Variants in OPN5 observed in about 807,000 individuals in gnomAD.
OPN5 encodes the protein opsin-5.
Under a neutral mutation model 41.7 loss-of-function variants are expected in OPN5, and 18 were observed. That is an observed-to-expected ratio of 0.43 (90% CI 0.30 to 0.64). The LOEUF is 0.64. Ranked by LOEUF, OPN5 falls within the 30% of genes least tolerant of loss-of-function variation. OPN5 has a pLI of 0.13. For missense variants in OPN5, 318 were observed against 434.5 expected, an observed-to-expected ratio of 0.73 and a Z score of 2.38; for synonymous variants, 178 against 164.3, an observed-to-expected ratio of 1.08 and a Z score of -0.64.
Position 47,801,473 on chromosome 6 carries a change from A to G in OPN5, c.756+5910A>G, listed in dbSNP as rs370433766. On this transcript the variant is annotated intron_variant, in intron 4 of 6. Transcript: ENST00000371211. ...TTTTATAACTCATCAAATGTTATTT[A>G]TCATTGAAGGATCAGATTCAGAAGA... 7.9e-5 allele frequency among the ~76,000 whole-genome samples: 12 copies of G among 152,318 alleles called. No homozygotes were observed. In the East Asian group the frequency reaches 1.7e-3, roughly 22 times the overall value.
At chr6:47,816,004 G>A (rs1302957989) in intron 6 of OPN5, among the ~76,000 whole-genome samples, 2 of 152,116 alleles carry the variant, frequency 1.3e-5, no homozygotes, top group African/African-American at 4.8e-5. Context: ...GAAATAGACA[G>A]GCAACTATTA....
Position 47,813,787 on chromosome 6 carries a change from A to G in OPN5, c.1056+2056A>G, listed in dbSNP as rs897453777. 3.3e-5 allele frequency among the ~76,000 whole-genome samples: 5 copies of G among 152,282 alleles called. No individual in the cohort carries two copies. The South Asian group carries it at 6.2e-4, about 19-fold the overall frequency. On this transcript the variant is annotated intron_variant, in intron 6 of 6. Coordinates refer to ENST00000371211, the Ensembl canonical transcript of OPN5. Reference sequence around the variant, plus strand: ...AATTTAGGTTTAAAATATTTTAAAAAGTGACAAAAAAGTGGTAATTGATTA... The same window carrying G: ...AATTTAGGTTTAAAATATTTTAAAAGGTGACAAAAAAGTGGTAATTGATTA...
At chr6:47,791,229 G>GA (rs1773359697) in intron 2 of OPN5, among the ~76,000 whole-genome samples, 3 of 150,710 alleles carry the variant, frequency 2.0e-5, no homozygotes, top group African/African-American at 7.3e-5. Flanking sequence ...GATTCCATGA[G>GA]AAAAAATGTT....
chr6:47,814,009 A>G (rs943271408), intron 6 of OPN5, among the ~76,000 whole-genome samples: 3 of 152,160 alleles, frequency 2.0e-5, no homozygotes, highest in East Asian at 1.9e-4. Context: ...AAAATAATCT[A>G]AAGTCATACT....
At chr6:47,800,382 T>G (rs762167920) in intron 4 of OPN5, among the ~76,000 whole-genome samples, 9 of 151,974 alleles carry the variant, frequency 5.9e-5, no homozygotes, top group Non-Finnish European at 1.3e-4. Context: ...GGGTGGAAGC[T>G]CTCCTCTTGA....
chr6:47,805,217 C>T (rs558737208), intron 4 of OPN5, among the ~76,000 whole-genome samples: 171 of 152,234 alleles, frequency 1.1e-3, no homozygotes, highest in African/African-American at 4.0e-3. Flanking sequence ...GGGTAAGCTT[C>T]GTAGAAAGAT....
chr6:47,814,386 A>G (rs1237564975), intron 6 of OPN5, among the ~76,000 whole-genome samples: 1 of 152,156 alleles, frequency 6.6e-6, no homozygotes, highest in East Asian at 1.9e-4. Context: ...GGTCTTTAAC[A>G]TGGCTTTATA....
At chr6:47,813,650 A>C (rs901167813) in intron 6 of OPN5, among the ~76,000 whole-genome samples, 2 of 152,150 alleles carry the variant, frequency 1.3e-5, no homozygotes, top group African/African-American at 4.8e-5. Flanking sequence ...GATTGTCTGC[A>C]TGAGAGTGGG....
intron 4 of OPN5, among the ~76,000 whole-genome samples, chr6:47,795,771 C>CTG (rs1773540435): frequency 9.3e-6 from 1 of 107,474 alleles, no homozygotes; most frequent in African/African-American, 3.5e-5. Flanking sequence ...TTCTCTCTCT[C>CTG]TCTCTCTCAC....
intron 6 of OPN5, among the ~76,000 whole-genome samples, chr6:47,817,576 G>A (rs550713727): frequency 2.1e-4 from 32 of 152,126 alleles, no homozygotes; most frequent in Non-Finnish European, 4.0e-4. Context: ...AGCTGGTTAC[G>A]AAAAAAGAAC....
intron 2 of OPN5, among the ~76,000 whole-genome samples, chr6:47,788,369 G>A (rs537751762): frequency 6.6e-6 from 1 of 152,304 alleles, no homozygotes; most frequent in Non-Finnish European, 1.5e-5. Context: ...AATAATAGCA[G>A]GCTCATTGCT....
At chr6:47,818,058 A>C (rs1391740490) in intron 6 of OPN5, among the ~76,000 whole-genome samples, 2 of 152,174 alleles carry the variant, frequency 1.3e-5, no homozygotes, top group Non-Finnish European at 2.9e-5. Flanking sequence ...ATTTGTTCAG[A>C]AAGAAGGGTA....
intron 5 of OPN5, 51 bp downstream of exon 5, chr6:47,808,446 C>A: frequency 6.2e-7 from 1 of 1,602,508 alleles, no homozygotes; most frequent in Non-Finnish European, 8.5e-7. Context: ...TTTCAAAATC[C>A]GGCAGGGTTC....
At chr6:47,800,071 A>G (rs1005204071) in intron 4 of OPN5, among the ~76,000 whole-genome samples, 3 of 152,222 alleles carry the variant, frequency 2.0e-5, no homozygotes, top group Admixed American at 6.5e-5. Context: ...TTTTGCTTCT[A>G]AAAATCTTCA....
At chr6:47,818,956 G>A (rs1001095372) in intron 6 of OPN5, among the ~76,000 whole-genome samples, 2 of 151,986 alleles carry the variant, frequency 1.3e-5, no homozygotes, top group African/African-American at 4.8e-5. Flanking sequence ...TCTCATTCTG[G>A]GTTGCAGCAG....
At chr6:47,782,590 TA>T (rs1171403069) in intron 1 of OPN5, among the ~76,000 whole-genome samples, 3 of 152,166 alleles carry the variant, frequency 2.0e-5, no homozygotes, top group African/African-American at 7.2e-5. Context: ...GCCTTAAAAA[TA>T]ATCTAGGTCA....
At chr6:47,806,687 G>A (rs1322803920) in intron 4 of OPN5, among the ~76,000 whole-genome samples, 1 of 152,098 alleles carries the variant, frequency 6.6e-6, no homozygotes, top group East Asian at 1.9e-4. Flanking sequence ...GCTCAATAAT[G>A]CCATACAAAA....
chr6:47,813,800 T>G (rs928961982), intron 6 of OPN5, among the ~76,000 whole-genome samples: 2 of 152,094 alleles, frequency 1.3e-5, no homozygotes, highest in Non-Finnish European at 2.9e-5. Context: ...GACAAAAAAG[T>G]GGTAATTGAT....
At chr6:47,786,397 A>G (rs1581725374) in intron 1 of OPN5, 118 bp from the exon 2 acceptor site, 1 of 721,744 alleles carries the variant, frequency 1.4e-6, no homozygotes, top group Admixed American at 2.6e-5. Flanking sequence ...TTTTATTTAG[A>G]GTCCTCTCAC....
Sources: allele counts gnomAD v4.1 joint callset (sites outside exome capture counted in the v4.1 genomes callset), GRCh38; gene constraint gnomAD v4.1.1; transcripts MANE v1.5; gene names NCBI Gene and HGNC (gene_info 2026-07-23, HGNC 2026-07-21).